SUCLG2: variants seen among roughly 807,000 people sequenced by gnomAD.
The protein encoded by SUCLG2 is succinate-CoA ligase GDP-forming subunit beta.
SUCLG2 carries 42 observed loss-of-function variants against 47.9 expected under a neutral mutation model. That is an observed-to-expected ratio of 0.88 (90% CI 0.69 to 1.14). The LOEUF is 1.14. SUCLG2 is among the 50% of genes most tolerant of loss of function. The pLI, the probability that SUCLG2 is intolerant of heterozygous loss-of-function variation, is 0.00. For synonymous variants in SUCLG2, 195 were observed against 197.3 expected, an observed-to-expected ratio of 0.99 and a Z score of 0.10; for missense variants, 571 against 525.9, an observed-to-expected ratio of 1.09 and a Z score of -0.84.
chr3:67,607,526 C>T (rs1298182910), intron 2 of SUCLG2, among the ~76,000 whole-genome samples: 1 of 151,994 alleles, frequency 6.6e-6, no homozygotes, highest in Non-Finnish European at 1.5e-5. Flanking sequence ...CAGACCGACA[C>T]CTACAAAGTC....
At chr3:67,412,741 C>T (rs780358261) in intron 9 of SUCLG2, among the ~76,000 whole-genome samples, 1 of 152,172 alleles carries the variant, frequency 6.6e-6, no homozygotes. Context: ...GGGACAGAAG[C>T]GATCCCACGC....
At chr3:67,651,582 A>G (rs1052100247) in intron 1 of SUCLG2, among the ~76,000 whole-genome samples, 1 of 152,186 alleles carries the variant, frequency 6.6e-6, no homozygotes, top group Non-Finnish European at 1.5e-5. Flanking sequence ...GTTATAAGTC[A>G]GGGGACTGGT....
chr3:67,565,076 A>G (rs918231640), intron 2 of SUCLG2, among the ~76,000 whole-genome samples: 2 of 152,178 alleles, frequency 1.3e-5, no homozygotes, highest in Non-Finnish European at 2.9e-5. Flanking sequence ...AACAGACTCA[A>G]TCAAGTCTTA....
Position 67,508,857 on chromosome 3 carries a change from T to C in SUCLG2, c.707A>G (p.Asp236Gly). The C allele has an allele frequency of 6.2e-7, 1 of 1,612,632 alleles. No individual in the cohort carries two copies. Reference protein sequence around the residue: ...TKLYNLFLKIDATQVEVNPFG... With the variant: ...TKLYNLFLKIGATQVEVNPFG... ...GGGATTCACTTCCACCTGAGTAGCA[T>C]CAATTTTCAGGAAGAGATTATACAG... The change falls in exon 7 of 11, where the codon GAT becomes GGT. Residue 236 changes from aspartate to glycine, a missense_variant. Transcript: ENST00000307227.
intron 9 of SUCLG2, among the ~76,000 whole-genome samples, chr3:67,414,349 G>C (rs13075287): frequency 0.034 from 5,124 of 152,304 alleles, 106 homozygotes; most frequent in African/African-American, 0.058. Context: ...CCAAATGACT[G>C]TTTTTATAGA....
chr3:67,407,447 T>C (rs540007944), intron 9 of SUCLG2, among the ~76,000 whole-genome samples: 9 of 152,324 alleles, frequency 5.9e-5, no homozygotes, highest in African/African-American at 2.2e-4. Flanking sequence ...TAACATTCCT[T>C]TAAAACAAAA....
chr3:67,460,252 C>G (rs372412798), intron 9 of SUCLG2, among the ~76,000 whole-genome samples: 21 of 152,178 alleles, frequency 1.4e-4, no homozygotes, highest in South Asian at 4.1e-4. Flanking sequence ...GTAATAACAC[C>G]TTAAATCTGA....
At chr3:67,472,804 C>T (rs969771098) in intron 9 of SUCLG2, among the ~76,000 whole-genome samples, 27 of 152,074 alleles carry the variant, frequency 1.8e-4, no homozygotes, top group Non-Finnish European at 1.6e-4. Flanking sequence ...GTCTCCAAGG[C>T]GGGCTGGAGT....
At chr3:67,484,298 A>G (rs1559543170) in intron 9 of SUCLG2, among the ~76,000 whole-genome samples, 1 of 152,290 alleles carries the variant, frequency 6.6e-6, no homozygotes, top group Non-Finnish European at 1.5e-5. Context: ...GTCTTGCCAG[A>G]CACATGGCAT....
intron 10 of SUCLG2, among the ~76,000 whole-genome samples, chr3:67,400,026 T>TAACA (rs150323484): frequency 0.071 from 10,743 of 151,826 alleles, 384 homozygotes; most frequent in Middle Eastern, 0.13. Flanking sequence ...ACAAACAAAC[T>TAACA]AACAAACAAA....
chr3:67,367,904 A>G (rs1701897203), intron 10 of SUCLG2, among the ~76,000 whole-genome samples: 2 of 152,228 alleles, frequency 1.3e-5, no homozygotes, highest in Admixed American at 1.3e-4. Flanking sequence ...AATATATATA[A>G]ACACATTTAA....
At chr3:67,458,918 TC>T (rs1322245474) in intron 9 of SUCLG2, among the ~76,000 whole-genome samples, 1 of 152,204 alleles carries the variant, frequency 6.6e-6, no homozygotes, top group African/African-American at 2.4e-5. Flanking sequence ...AGGAAAGTCT[TC>T]CAACAAGAAA....
intron 9 of SUCLG2, among the ~76,000 whole-genome samples, chr3:67,488,633 T>C (rs568947890): frequency 1.3e-5 from 2 of 152,344 alleles, no homozygotes; most frequent in Middle Eastern, 6.8e-3. Flanking sequence ...AGATTATTCT[T>C]AAGATGCAGA....
chr3:67,624,100 T>C (rs955311570), intron 1 of SUCLG2, among the ~76,000 whole-genome samples: 8 of 152,334 alleles, frequency 5.3e-5, no homozygotes, highest in Admixed American at 2.0e-4. Context: ...CTTCTAAGGA[T>C]CTAATAGTGC....
intron 1 of SUCLG2, among the ~76,000 whole-genome samples, chr3:67,642,548 T>C (rs1046226500): frequency 1.3e-5 from 2 of 152,158 alleles, no homozygotes; most frequent in Non-Finnish European, 2.9e-5. Flanking sequence ...AGTTCAAGGA[T>C]GCAGTGAGCT....
At chr3:67,493,831 A>G (rs1173491962) in intron 9 of SUCLG2, among the ~76,000 whole-genome samples, 1 of 152,224 alleles carries the variant, frequency 6.6e-6, no homozygotes, top group African/African-American at 2.4e-5. Context: ...AGAATAAGTG[A>G]ATTAATACAT....
chr3:67,405,388 C>T (rs1702780360), intron 9 of SUCLG2, among the ~76,000 whole-genome samples: 1 of 152,194 alleles, frequency 6.6e-6, no homozygotes, highest in African/African-American at 2.4e-5. Flanking sequence ...TTGACATCAT[C>T]CCCACTGCTC....
downstream of SUCLG2, chr3:67,374,627 A>T: frequency 2.7e-6 from 1 of 372,884 alleles, no homozygotes; most frequent in Non-Finnish European, 3.7e-6. Context: ...CAAATTTTAG[A>T]GGCATACCTA....
At chr3:67,461,769 T>G (rs75019771) in intron 9 of SUCLG2, among the ~76,000 whole-genome samples, 9 of 151,888 alleles carry the variant, frequency 5.9e-5, no homozygotes, top group African/African-American at 1.9e-4. Context: ...CCCTGGGAGG[T>G]AGCATGGCCC....
Sources: gnomAD v4.1 joint callset for allele counts (sites outside exome capture counted in the v4.1 genomes callset) on GRCh38, gnomAD v4.1.1 for gene constraint, MANE v1.5 for transcripts, NCBI Gene and HGNC (gene_info 2026-07-23, HGNC 2026-07-21) for gene names.